Variants in MARCHF1 observed in about 807,000 individuals in gnomAD.
The protein encoded by MARCHF1 is E3 ubiquitin-protein ligase MARCHF1.
In MARCHF1, 40 loss-of-function variants were observed where a neutral mutation model predicts 54.2. That is an observed-to-expected ratio of 0.74 (90% CI 0.57 to 0.96). MARCHF1 has a LOEUF of 0.96. Ranked by LOEUF, MARCHF1 falls within the 40% of genes least tolerant of loss-of-function variation. The probability of loss-of-function intolerance (pLI) is 0.00; values close to 1 mark genes in which losing one functional copy is unlikely to be tolerated. For synonymous variants in MARCHF1, 236 were observed against 236.3 expected (o/e 1.00, Z 0.01); for missense variants, 586 against 656.5 (o/e 0.89, Z 1.17).
intron 2 of MARCHF1, among the ~76,000 whole-genome samples, chr4:164,088,833 T>C (rs1483472165): frequency 6.6e-6 from 1 of 152,016 alleles, no homozygotes; most frequent in East Asian, 1.9e-4. Context: ...ACCAGAACAA[T>C]AGTGTTTTAG....
chr4:164,346,998 C>A (rs1730124793), intron 1 of MARCHF1, among the ~76,000 whole-genome samples: 1 of 151,882 alleles, frequency 6.6e-6, no homozygotes, highest in African/African-American at 2.4e-5. Flanking sequence ...TTTTAAAATT[C>A]ATTTTATCCT....
At chr4:164,276,947 T>TATATATATATATATATATATATATAG (rs1392528920) in intron 1 of MARCHF1, among the ~76,000 whole-genome samples, 2 of 118,802 alleles carry the variant, frequency 1.7e-5, no homozygotes, top group East Asian at 2.5e-4. Context: ...TATATATATA[T>TATATATATATATATATATATATATAG]AGAGAGAGAG....
chr4:163,828,257 C>T (rs1748911985), intron 4 of MARCHF1, among the ~76,000 whole-genome samples: 1 of 152,118 alleles, frequency 6.6e-6, no homozygotes, highest in Admixed American at 6.6e-5. Context: ...GTACTTTTAA[C>T]TACTTTTGGA....
chr4:163,669,527 A>T (rs1743655434), intron 5 of MARCHF1, among the ~76,000 whole-genome samples: 1 of 152,132 alleles, frequency 6.6e-6, no homozygotes, highest in Non-Finnish European at 1.5e-5. Flanking sequence ...CCTACTTCCA[A>T]AATTGGTAAA....
At chr4:164,099,880 A>C (rs1221652395) in intron 2 of MARCHF1, among the ~76,000 whole-genome samples, 1 of 152,206 alleles carries the variant, frequency 6.6e-6, no homozygotes, top group African/African-American at 2.4e-5. Flanking sequence ...TGTGAAAAGT[A>C]GCAAGTGATA....
chr4:164,321,028 G>A (rs956482635), intron 1 of MARCHF1, among the ~76,000 whole-genome samples: 12 of 152,190 alleles, frequency 7.9e-5, no homozygotes, highest in African/African-American at 2.4e-4. Context: ...GGTGAATACA[G>A]GGGATCTGAT....
At chr4:163,573,648 T>C (rs568250019) in intron 8 of MARCHF1, among the ~76,000 whole-genome samples, 3 of 151,942 alleles carry the variant, frequency 2.0e-5, no homozygotes, top group African/African-American at 7.3e-5. Context: ...GAACTCATCA[T>C]TTTTTATGGC....
intron 5 of MARCHF1, among the ~76,000 whole-genome samples, chr4:163,670,758 T>C (rs1377354151): frequency 6.6e-6 from 1 of 152,222 alleles, no homozygotes; most frequent in Non-Finnish European, 1.5e-5. Context: ...CCATCTGTCA[T>C]ACAAAGATTT....
chr4:163,601,693 A>T (rs1277373812), intron 7 of MARCHF1, among the ~76,000 whole-genome samples: 3 of 151,914 alleles, frequency 2.0e-5, no homozygotes, highest in Non-Finnish European at 4.4e-5. Context: ...ACTTCTATCT[A>T]TTTTTGCTTG....
chr4:163,957,717 A>G (rs141806914), intron 3 of MARCHF1, among the ~76,000 whole-genome samples: 9 of 152,108 alleles, frequency 5.9e-5, no homozygotes, highest in Non-Finnish European at 1.2e-4. Context: ...AATTTAAGTC[A>G]TTGTTGACAA....
At chr4:163,859,034 C>A (rs1749848511) in intron 3 of MARCHF1, among the ~76,000 whole-genome samples, 2 of 152,138 alleles carry the variant, frequency 1.3e-5, no homozygotes, top group African/African-American at 4.8e-5. Context: ...GGAAGAGCAA[C>A]TGAAATAGAA....
At chr4:163,880,526 T>C (rs1750392670) in intron 3 of MARCHF1, among the ~76,000 whole-genome samples, 1 of 151,518 alleles carries the variant, frequency 6.6e-6, no homozygotes, top group African/African-American at 2.4e-5. Context: ...CTTTTAATCC[T>C]TTAAATTATT....
Position 164,189,956 on chromosome 4 carries a change from T to C in MARCHF1, c.-322-78294A>G, listed in dbSNP as rs1731080667. The C allele has an allele frequency of 5.2e-6, 8 of 1,545,816 alleles. No individual in the cohort carries two copies. The Admixed American group carries it at 6.7e-5, about 13-fold the overall frequency. On this transcript the variant is annotated intron_variant, in intron 1 of 9. Coordinates refer to ENST00000514618, the MANE Select transcript of MARCHF1 (RefSeq NM_001394959.1). ...ACAAAAATAAGATCACAATTACCAA[T>C]GACCAGAATCACCTGACACCTGAAG...
At chr4:163,767,675 G>T (rs528726087) in intron 4 of MARCHF1, among the ~76,000 whole-genome samples, 1 of 151,988 alleles carries the variant, frequency 6.6e-6, no homozygotes, top group Non-Finnish European at 1.5e-5. Context: ...CAAAGTTGAT[G>T]CTGGCTTTTT....
In MARCHF1 at chr4:164,274,670, T is replaced by C. The variant is rs1205374207; in HGVS notation, c.-323+109200A>G. On this transcript the variant is annotated intron_variant, in intron 1 of 9. Transcript: ENST00000514618. Reference sequence around the variant, plus strand: ...TGCTTCAGGGTACACTTTTTTTTTTTTTTTTTTTTTTTTTTTTTTTTTTTT... The same window carrying C: ...TGCTTCAGGGTACACTTTTTTTTTTCTTTTTTTTTTTTTTTTTTTTTTTTT... Among the ~76,000 whole-genome samples the C allele has an allele frequency of 1.7e-4, 19 of 111,372 alleles. 3 individuals carry two copies. Among genetic ancestry groups the C allele is most frequent in the Admixed American group, 3.6e-4 (4 of 11,216 alleles). The allele number at this position is 111,372 out of a possible 152,430, so 73.1% of individuals were successfully genotyped here. A position where few individuals can be genotyped will look rare whatever the true frequency, so the allele number is the denominator to read the frequency against.
chr4:164,333,594 TCTGA>T (rs1284639006), intron 1 of MARCHF1, among the ~76,000 whole-genome samples: 8 of 152,216 alleles, frequency 5.3e-5, no homozygotes, highest in African/African-American at 1.2e-4. Context: ...TTCTGATTAC[TCTGA>T]CTATTCCTCC....
chr4:164,326,011 A>T (rs1735271744), intron 1 of MARCHF1, among the ~76,000 whole-genome samples: 1 of 152,216 alleles, frequency 6.6e-6, no homozygotes, highest in African/African-American at 2.4e-5. Flanking sequence ...CAAAACTTTC[A>T]ATTTTAATAA....
At chr4:163,749,427 T>C (rs1746455436) in intron 4 of MARCHF1, among the ~76,000 whole-genome samples, 1 of 152,152 alleles carries the variant, frequency 6.6e-6, no homozygotes, top group Non-Finnish European at 1.5e-5. Context: ...CTTTTCTTTT[T>C]GTACTGCCTT....
chr4:164,038,337 CA>C (rs1188469926), intron 2 of MARCHF1, among the ~76,000 whole-genome samples: 5 of 151,874 alleles, frequency 3.3e-5, no homozygotes, highest in Non-Finnish European at 7.4e-5. Context: ...ACTAAAAATA[CA>C]AAAAAATTAT....
Sources: gnomAD v4.1 joint callset for allele counts (sites outside exome capture counted in the v4.1 genomes callset) on GRCh38, gnomAD v4.1.1 for gene constraint, MANE v1.5 for transcripts, NCBI Gene and HGNC (gene_info 2026-07-23, HGNC 2026-07-21) for gene names.